STAG1: variants seen among roughly 807,000 people sequenced by gnomAD.
STAG1 encodes STAG1 cohesin complex component, also known as cohesin subunit SA-1.
In STAG1, 26 loss-of-function variants were observed where a neutral mutation model predicts 170.9. That is an observed-to-expected ratio of 0.15 (90% CI 0.11 to 0.21). The LOEUF (loss-of-function observed/expected upper bound fraction) is 0.21. Among genes scored for constraint, STAG1 ranks in the 10% least tolerant of loss-of-function variants. The probability of loss-of-function intolerance (pLI) is 1.00; values close to 1 mark genes in which losing one functional copy is unlikely to be tolerated. For missense variants in STAG1, 964 were observed against 1,509.5 expected (o/e 0.64, Z 5.99); for synonymous variants, 514 against 497.7 (o/e 1.03, Z -0.44).
rs555128465 is a variant in STAG1, at chr3:136,583,917, G to A, written c.298-15056C>T. ...CCCAAGACCGTCCCAGTTAAATAATGACAACTTTCTATCTTTGTCTCCTCA... is the reference window on the plus strand; with the variant it reads ...CCCAAGACCGTCCCAGTTAAATAATAACAACTTTCTATCTTTGTCTCCTCA... On this transcript the variant is annotated intron_variant, in intron 4 of 33. Transcript: ENST00000383202. Among the ~76,000 whole-genome samples the A allele has an allele frequency of 3.0e-4, 46 of 152,318 alleles. No individual in the cohort carries two copies. The South Asian group carries it at 3.9e-3, about 13-fold the overall frequency.
intron 26 of STAG1, among the ~76,000 whole-genome samples, chr3:136,362,962 G>A (rs1048180298): frequency 6.6e-6 from 1 of 151,474 alleles, no homozygotes; most frequent in Admixed American, 6.6e-5. Context: ...ATATCCACTA[G>A]GCCCCCTGAA....
intron 21 of STAG1, among the ~76,000 whole-genome samples, chr3:136,401,050 C>T (rs113517683): frequency 1.2e-3 from 176 of 152,220 alleles, no homozygotes; most frequent in African/African-American, 2.4e-3. Flanking sequence ...CCTCTGTAGA[C>T]AACATGAATA....
At chr3:136,399,014 A>G (rs906043768) in intron 21 of STAG1, among the ~76,000 whole-genome samples, 185 bp from the exon 22 acceptor site, 2 of 152,186 alleles carry the variant, frequency 1.3e-5, no homozygotes, top group African/African-American at 4.8e-5. Context: ...CAATGTATCA[A>G]TCTGGAGAAT....
chr3:136,576,305 TA>T (rs2107772273), intron 4 of STAG1, among the ~76,000 whole-genome samples: 1 of 152,228 alleles, frequency 6.6e-6, no homozygotes, highest in African/African-American at 2.4e-5. Context: ...CACATACATA[TA>T]AGCATGGGAA....
intron 14 of STAG1, among the ~76,000 whole-genome samples, chr3:136,450,685 TGA>T (rs1310920589): frequency 6.6e-6 from 1 of 152,220 alleles, no homozygotes; most frequent in Non-Finnish European, 1.5e-5. Context: ...CAAATAAAAT[TGA>T]GAGTCCTAGG....
chr3:136,392,762 T>C (rs1334895892), intron 22 of STAG1, among the ~76,000 whole-genome samples: 1 of 58,132 alleles, frequency 1.7e-5, no homozygotes, highest in Non-Finnish European at 3.4e-5. Flanking sequence ...CCAGGCTCCG[T>C]CTCAAAAAAA....
intron 1 of STAG1, among the ~76,000 whole-genome samples, chr3:136,651,584 A>ACTTGGCTTTAATATTTACTAT: frequency 6.6e-6 from 1 of 152,196 alleles, no homozygotes; most frequent in South Asian, 2.1e-4. Flanking sequence ...ATATTTACTA[A>ACTTGGCTTTAATATTTACTAT]CTTGGCTTTA....
At chr3:136,570,593 T>C (rs1000656759) in intron 4 of STAG1, among the ~76,000 whole-genome samples, 3 of 152,228 alleles carry the variant, frequency 2.0e-5, no homozygotes, top group East Asian at 3.9e-4. Flanking sequence ...CAAGGCTTAG[T>C]AGATAATGCC....
intron 12 of STAG1, among the ~76,000 whole-genome samples, chr3:136,469,817 C>A (rs1337937752): frequency 6.6e-6 from 1 of 151,962 alleles, no homozygotes; most frequent in Non-Finnish European, 1.5e-5. Context: ...ACAGAGCCCT[C>A]ACAAATAATA....
In STAG1 at chr3:136,575,633, T is replaced by C. The variant is rs1429874571; in HGVS notation, c.298-6772A>G. ...AGCCACAGACCCAAAGAGAAGGCTATAGCTTTAGAACATCTGAATCACAGA... is the reference window on the plus strand; with the variant it reads ...AGCCACAGACCCAAAGAGAAGGCTACAGCTTTAGAACATCTGAATCACAGA... On this transcript the variant is annotated intron_variant, in intron 4 of 33. Coordinates refer to ENST00000383202, the MANE Select transcript of STAG1 (RefSeq NM_005862.3). Among the ~76,000 whole-genome samples, 4 of 152,212 alleles carry C rather than the reference T, an allele frequency of 2.6e-5. 1 individual carries two copies. Among genetic ancestry groups the C allele is most frequent in the Admixed American group, 6.5e-5 (1 of 15,278 alleles).
intron 1 of STAG1, among the ~76,000 whole-genome samples, chr3:136,650,550 T>C (rs1345118299): frequency 6.6e-6 from 1 of 152,246 alleles, no homozygotes; most frequent in East Asian, 1.9e-4. Context: ...TACAAATGCC[T>C]ATCTCTACAT....
intron 6 of STAG1, among the ~76,000 whole-genome samples, chr3:136,523,126 T>A (rs578205453): frequency 6.6e-6 from 1 of 152,304 alleles, no homozygotes; most frequent in Non-Finnish European, 1.5e-5. Flanking sequence ...TAGTTCTAGA[T>A]CCTTGAGGAA....
chr3:136,695,209 TAAG>T (rs1265022541), intron 1 of STAG1, among the ~76,000 whole-genome samples: 3 of 152,096 alleles, frequency 2.0e-5, no homozygotes, highest in African/African-American at 7.2e-5. Context: ...TTTATCAAGA[TAAG>T]AAGATATGTG....
chr3:136,519,361 T>G (rs1019884996), intron 7 of STAG1, among the ~76,000 whole-genome samples: 3 of 152,232 alleles, frequency 2.0e-5, no homozygotes, highest in East Asian at 3.9e-4. Context: ...TTTTTGTGTC[T>G]TCTTCTTTTA....
chr3:136,649,996 T>C (rs1205453390), intron 1 of STAG1, among the ~76,000 whole-genome samples: 1 of 151,980 alleles, frequency 6.6e-6, no homozygotes, highest in Non-Finnish European at 1.5e-5. Flanking sequence ...CTTGATCTCC[T>C]GACCTCGTGA....
At chr3:136,665,822 TC>T (rs1941745285) in intron 1 of STAG1, among the ~76,000 whole-genome samples, 1 of 143,404 alleles carries the variant, frequency 7.0e-6, no homozygotes, top group Admixed American at 7.2e-5. Flanking sequence ...ACACCTGTAA[TC>T]CCAGCACTTT....
chr3:136,647,464 G>C (rs1576711668), intron 1 of STAG1, among the ~76,000 whole-genome samples: 1 of 152,136 alleles, frequency 6.6e-6, no homozygotes. Context: ...AGCTACTCGG[G>C]AGGCTGAGGC....
chr3:136,550,351 A>G (rs1936331904), intron 5 of STAG1, among the ~76,000 whole-genome samples: 1 of 148,404 alleles, frequency 6.7e-6, no homozygotes, highest in Non-Finnish European at 1.5e-5. Context: ...TCTGTCGCCC[A>G]GGCTGGAGTA....
chr3:136,508,571 T>G (rs1206369855), intron 7 of STAG1, among the ~76,000 whole-genome samples: 1 of 152,180 alleles, frequency 6.6e-6, no homozygotes, highest in Non-Finnish European at 1.5e-5. Context: ...ACCTGTAGTC[T>G]CAGCTACTGG....
Sources: allele counts gnomAD v4.1 joint callset (sites outside exome capture counted in the v4.1 genomes callset), GRCh38; gene constraint gnomAD v4.1.1; transcripts MANE v1.5; gene names NCBI Gene and HGNC (gene_info 2026-07-23, HGNC 2026-07-21).